LUZP4: variants seen among roughly 807,000 people sequenced by gnomAD.
LUZP4 encodes leucine zipper protein 4.
In LUZP4, 11 loss-of-function variants were observed where a neutral mutation model predicts 8.5. That is an observed-to-expected ratio of 1.30 (90% CI 0.82 to 2.14). LUZP4 has a LOEUF of 2.14. Ranked by LOEUF, LUZP4 falls within the 30% of genes most tolerant of loss-of-function variation. The pLI is 0.00. For missense variants in LUZP4, 276 were observed against 229.7 expected (o/e 1.20, Z -1.30); for synonymous variants, 104 against 79.4 (o/e 1.31, Z -1.65).
intron 1 of LUZP4, among the ~76,000 whole-genome samples, chrX:115,293,912 C>G (rs1317068311): frequency 9.2e-6 from 1 of 108,802 alleles, no homozygotes; most frequent in East Asian, 2.9e-4. Flanking sequence ...GATTGTGCCA[C>G]TGCACTCCAG....
Position 115,303,425 on chromosome X carries a change from A to G in LUZP4, c.342+7A>G, listed in dbSNP as rs782118676. 2 of 964,419 alleles carry G rather than the reference A, an allele frequency of 2.1e-6. No homozygotes were observed. The highest frequency in any genetic ancestry group is 2.9e-6 in the Non-Finnish European group (2 of 698,804). The allele number at this position is 964,419 out of a possible 1,213,427, so 79.5% of individuals were successfully genotyped here. ...GCAGCCTTTAATTGAGCAGGTAGAT[A>G]AGTACCAAGAATTAACCAATATTAA... On this transcript the variant is annotated splice_region_variant and intron_variant, in intron 3 of 3. Coordinates refer to ENST00000371920, the MANE Select transcript of LUZP4 (RefSeq NM_016383.5).
intron 1 of LUZP4, 71 bp from the exon 2 acceptor site, chrX:115,301,921 A>G (rs2073398926): frequency 1.5e-6 from 1 of 683,785 alleles, no homozygotes; most frequent in East Asian, 3.7e-5. Context: ...GAGATAAGAT[A>G]TAGATTATTC....
intron 1 of LUZP4, among the ~76,000 whole-genome samples, chrX:115,301,447 T>C (rs781969906): frequency 5.3e-5 from 6 of 112,210 alleles, no homozygotes; most frequent in Non-Finnish European, 1.1e-4. Flanking sequence ...ACTACAATAA[T>C]CTAGGTTCCT....
At chrX:115,300,798 G>A (rs1237404652) in intron 1 of LUZP4, among the ~76,000 whole-genome samples, 1 of 111,084 alleles carries the variant, frequency 9.0e-6, no homozygotes, top group Non-Finnish European at 1.9e-5. Flanking sequence ...CCGGGAGTTG[G>A]GGGAAGGGTG....
intron 1 of LUZP4, 106 bp downstream of exon 1, chrX:115,289,956 A>G (rs1441308851): frequency 3.9e-6 from 2 of 517,352 alleles, no homozygotes; most frequent in African/African-American, 4.7e-5. Flanking sequence ...GGAACACACC[A>G]GTTCGAGGAG....
At chrX:115,291,456 T>A (rs180884279) in intron 1 of LUZP4, among the ~76,000 whole-genome samples, 122 of 110,427 alleles carry the variant, frequency 1.1e-3, no homozygotes, top group Non-Finnish European at 2.1e-3. Flanking sequence ...TGAGCTTCAA[T>A]GTGGAAGCGC....
At position 115,306,552 on chromosome X, in the gene LUZP4, G is replaced by A. The variant is rs781975537; in HGVS notation, c.690G>A (p.Lys230=). Residue 230 remains lysine, a synonymous_variant, in exon 4 of 4, where the codon AAG becomes AAA. Coordinates refer to ENST00000371920, the MANE Select transcript of LUZP4 (RefSeq NM_016383.5). ...GHSERSHGHS[K]RSRSQGDLVD... ...CAGAGAGATCTCATGGTCACTCAAA[G>A]AGATCTCGTAGCCAGGGAGATCTTG... 1.7e-6 allele frequency: 2 copies of A among 1,209,733 alleles called. No homozygotes were observed. The highest frequency in any genetic ancestry group is 4.4e-5 in the Admixed American group (2 of 45,889).
At position 115,297,155 on chromosome X, in the gene LUZP4, C is replaced by T. The variant is rs192407711; in HGVS notation, c.92-4837C>T. 2.7e-5 allele frequency among the ~76,000 whole-genome samples: 3 copies of T among 111,680 alleles called. No homozygotes were observed. The Admixed American group carries it at 2.9e-4, about 11-fold the overall frequency. ...ATAGTTATTATTGACTATAGTCACC[C>T]TGTTGTGCTATCAAATAGTAGGTCT... On this transcript the variant is annotated intron_variant, in intron 1 of 3. Transcript: ENST00000371920.
At chrX:115,301,214 T>TG (rs1459397714) in intron 1 of LUZP4, among the ~76,000 whole-genome samples, 5 of 111,178 alleles carry the variant, frequency 4.5e-5, no homozygotes, top group Non-Finnish European at 7.5e-5. Context: ...CCAGAAGGTG[T>TG]GGGGGGCTTT....
chrX:115,304,262 C>G (rs1168341883), intron 3 of LUZP4, among the ~76,000 whole-genome samples: 1 of 111,557 alleles, frequency 9.0e-6, no homozygotes, highest in Admixed American at 9.6e-5. Context: ...TAATGCCAGG[C>G]AGTATGCAGT....
intron 3 of LUZP4, among the ~76,000 whole-genome samples, chrX:115,304,798 A>G (rs2073413149): frequency 9.0e-6 from 1 of 111,500 alleles, no homozygotes; most frequent in Non-Finnish European, 1.9e-5. Context: ...CTCACTAGAA[A>G]AAAAAAATAC....
intron 3 of LUZP4, among the ~76,000 whole-genome samples, chrX:115,305,132 G>T (rs2073414639): frequency 9.0e-6 from 1 of 111,606 alleles, no homozygotes; most frequent in Admixed American, 9.5e-5. Flanking sequence ...AGCTCCTTTG[G>T]AAAGGTACTT....
intron 1 of LUZP4, among the ~76,000 whole-genome samples, chrX:115,293,313 C>G (rs1194909994): frequency 1.8e-5 from 2 of 109,081 alleles, no homozygotes; most frequent in Non-Finnish European, 3.8e-5. Flanking sequence ...GGATCTCACT[C>G]TGTCACCCAG....
Position 115,306,817 on chromosome X carries a change from T to C in LUZP4, c.*13T>C. Reference sequence around the variant, plus strand: ...AATAACTACTTAATCATCAGAACAATGTGTTGAATTCTGTGGAAATAGAAA... The same window carrying C: ...AATAACTACTTAATCATCAGAACAACGTGTTGAATTCTGTGGAAATAGAAA... On this transcript the variant is annotated 3_prime_UTR_variant, in exon 4 of 4. Coordinates refer to ENST00000371920, the MANE Select transcript of LUZP4 (RefSeq NM_016383.5). The C allele has an allele frequency of 8.4e-7, 1 of 1,185,623 alleles. No homozygotes were observed. The highest frequency in any genetic ancestry group is 1.1e-6 in the Non-Finnish European group (1 of 873,581).
intron 1 of LUZP4, among the ~76,000 whole-genome samples, chrX:115,297,907 C>A (rs782244144): frequency 1.9e-4 from 21 of 108,530 alleles, no homozygotes; most frequent in Non-Finnish European, 3.8e-4. Flanking sequence ...CTCCCAGGTC[C>A]CCGTTAAGCA....
chrX:115,306,485 C>CA lies in LUZP4; in HGVS notation c.624dup (p.Glu209ArgfsTer26), dbSNP rs2073421797. ...CAATCTGAGAGATCTCATGGCCACTCAGAGAGATCTCATGGTCACTCAGAG... is the reference window on the plus strand; with the variant it reads ...CAATCTGAGAGATCTCATGGCCACTCAAGAGAGATCTCATGGTCACTCAGAG... On this transcript the variant is annotated frameshift_variant, in exon 4 of 4. Transcript: ENST00000371920. LOFTEE classifies it low-confidence loss of function (END_TRUNC). 1.7e-6 allele frequency: 2 copies of CA among 1,206,025 alleles called. No homozygotes were observed. The highest frequency in any genetic ancestry group is 3.5e-5 in the African/African-American group (2 of 56,671).
rs1361119490 is a variant in LUZP4 at position 115,301,848 on chromosome X, C to G, written c.92-144C>G. The stretch of plus-strand genomic sequence containing the variant: ...CTGTTTGACCTTTGTTAGAGTTTAA[C>G]AAATTTATTATTATTATTATCATTT... On this transcript the variant is annotated intron_variant, in intron 1 of 3. Coordinates refer to ENST00000371920, the MANE Select transcript of LUZP4 (RefSeq NM_016383.5). 9.0e-6 allele frequency: 3 copies of G among 333,861 alleles called. No individual in the cohort carries two copies. The South Asian group carries it at 3.8e-4, about 43-fold the overall frequency. 27.5% of individuals were successfully genotyped at this position (333,861 alleles called of 1,213,427 possible).
At chrX:115,296,757 T>C (rs1173650813) in intron 1 of LUZP4, among the ~76,000 whole-genome samples, 2 of 111,578 alleles carry the variant, frequency 1.8e-5, no homozygotes, top group African/African-American at 6.5e-5. Flanking sequence ...GTCTAAGGAT[T>C]AAAATTACGT....
chrX:115,292,517 C>G (rs2073353020), intron 1 of LUZP4, among the ~76,000 whole-genome samples: 1 of 109,842 alleles, frequency 9.1e-6, no homozygotes, highest in African/African-American at 3.3e-5. Flanking sequence ...GTGCTAATCT[C>G]CGTGTGTGTG....
Sources: allele counts gnomAD v4.1 joint callset (sites outside exome capture counted in the v4.1 genomes callset), GRCh38; gene constraint gnomAD v4.1.1; transcripts MANE v1.5; gene names NCBI Gene and HGNC (gene_info 2026-07-23, HGNC 2026-07-21).